Variants in AGBL4 observed in about 807,000 individuals in gnomAD.
AGBL4 encodes the protein cytosolic carboxypeptidase 6.
Under a neutral mutation model 66.4 loss-of-function variants are expected in AGBL4, and 58 were observed. The ratio of observed to expected loss-of-function variants is 0.87; its 90% confidence interval spans 0.71 to 1.09. The LOEUF (loss-of-function observed/expected upper bound fraction) is 1.09. Among genes scored for constraint, AGBL4 ranks in the 50% least tolerant of loss-of-function variants. The pLI, the probability that AGBL4 is intolerant of heterozygous loss-of-function variation, is 0.00. For missense variants in AGBL4, 579 were observed against 631.0 expected, an observed-to-expected ratio of 0.92 and a Z score of 0.88; for synonymous variants, 234 against 222.9, an observed-to-expected ratio of 1.05 and a Z score of -0.44.
Position 49,479,289 on chromosome 1 carries a change from A to AT in AGBL4, c.282+218023dup, listed in dbSNP as rs936255160. 3.1e-3 allele frequency among the ~76,000 whole-genome samples: 460 copies of AT among 147,462 alleles called. 1 individual carries two copies. Among genetic ancestry groups the AT allele is most frequent in the African/African-American group, 6.4e-3 (258 of 40,518 alleles). On this transcript the variant is annotated intron_variant, in intron 3 of 13. Transcript: ENST00000371839. ...ACTACAAATACAATGAAATATCTAGATTTTTTTTTTTTACTTTTATTTTAA... is the reference window on the plus strand; with the variant it reads ...ACTACAAATACAATGAAATATCTAGATTTTTTTTTTTTTACTTTTATTTTAA...
chr1:49,654,853 CTGA>C (rs1362176755), intron 3 of AGBL4, among the ~76,000 whole-genome samples: 1 of 152,142 alleles, frequency 6.6e-6, no homozygotes, highest in Non-Finnish European at 1.5e-5. Flanking sequence ...ATACAGAACA[CTGA>C]TGATCTTGAC....
Position 49,677,656 on chromosome 1 carries a change from C to T in AGBL4, c.282+19657G>A, listed in dbSNP as rs563944712. Among the ~76,000 whole-genome samples, 18 of 152,130 alleles carry T rather than the reference C, an allele frequency of 1.2e-4. 1 individual carries two copies. The highest frequency in any genetic ancestry group is 1.2e-3 in the East Asian group (6 of 5,186). Reference sequence around the variant, plus strand: ...CTCTATTTTCTGGAAAAGACAGTGCCATGAACTGAATTGTGACCCCCAAAA... The same window carrying T: ...CTCTATTTTCTGGAAAAGACAGTGCTATGAACTGAATTGTGACCCCCAAAA... On this transcript the variant is annotated intron_variant, in intron 3 of 13. Coordinates refer to ENST00000371839, the MANE Select transcript of AGBL4 (RefSeq NM_032785.4).
At chr1:49,841,052 G>A (rs1303781799) in intron 2 of AGBL4, among the ~76,000 whole-genome samples, 1 of 152,172 alleles carries the variant, frequency 6.6e-6, no homozygotes, top group Non-Finnish European at 1.5e-5. Context: ...AGGAACAGAA[G>A]AAATTAAACT....
chr1:49,846,490 A>G, intron 2 of AGBL4: 5 of 942,026 alleles, frequency 5.3e-6, no homozygotes, highest in Middle Eastern at 2.4e-4. Context: ...CATGAGAAAC[A>G]TATGTCTTTA....
At chr1:49,793,193 G>A (rs1289883594) in intron 2 of AGBL4, among the ~76,000 whole-genome samples, 1 of 151,908 alleles carries the variant, frequency 6.6e-6, no homozygotes, top group Non-Finnish European at 1.5e-5. Context: ...TCAGTTTTTG[G>A]TGATAGTTGT....
At chr1:49,094,054 C>T (rs1359441776) in intron 4 of AGBL4, among the ~76,000 whole-genome samples, 1 of 152,048 alleles carries the variant, frequency 6.6e-6, no homozygotes, top group Admixed American at 6.6e-5. Flanking sequence ...GTGAGATAGA[C>T]AGAAAACTAG....
intron 6 of AGBL4, among the ~76,000 whole-genome samples, chr1:48,857,972 C>T (rs1647219070): frequency 6.6e-6 from 1 of 151,740 alleles, no homozygotes; most frequent in African/African-American, 2.4e-5. Flanking sequence ...CTCTTAAATG[C>T]AATAAAAAGA....
chr1:48,756,992 C>T (rs980022114), intron 6 of AGBL4, among the ~76,000 whole-genome samples: 2 of 152,130 alleles, frequency 1.3e-5, no homozygotes, highest in Non-Finnish European at 2.9e-5. Context: ...TGCTTCAGGT[C>T]AAGTTTTTCT....
At chr1:49,800,231 T>C (rs1014073779) in intron 2 of AGBL4, among the ~76,000 whole-genome samples, 4 of 152,196 alleles carry the variant, frequency 2.6e-5, no homozygotes, top group African/African-American at 9.6e-5. Context: ...AGTGGTAATA[T>C]GTATGTGATT....
At chr1:49,735,566 G>A (rs567535717) in intron 2 of AGBL4, among the ~76,000 whole-genome samples, 1 of 151,954 alleles carries the variant, frequency 6.6e-6, no homozygotes, top group African/African-American at 2.4e-5. Context: ...TTGTTTTAAA[G>A]CACTATGTGA....
chr1:49,947,988 T>TTATATATATAAATATATA (rs1655439730), intron 1 of AGBL4, among the ~76,000 whole-genome samples: 1 of 59,450 alleles, frequency 1.7e-5, no homozygotes, highest in Admixed American at 2.6e-4. Flanking sequence ...AAATATATAT[T>TTATATATATAAATATATA]TATATATATA....
intron 2 of AGBL4, among the ~76,000 whole-genome samples, chr1:49,820,775 C>T (rs1645349291): frequency 2.0e-5 from 3 of 152,202 alleles, no homozygotes; most frequent in Non-Finnish European, 4.4e-5. Flanking sequence ...GCTGAATAAC[C>T]AAAAGTTAAC....
intron 4 of AGBL4, among the ~76,000 whole-genome samples, chr1:49,137,330 A>C (rs1646031321): frequency 6.6e-6 from 1 of 152,140 alleles, no homozygotes; most frequent in South Asian, 2.1e-4. Context: ...TGTATACGAA[A>C]ATAAAATGAT....
chr1:49,515,823 G>T (rs1367349129), intron 3 of AGBL4, among the ~76,000 whole-genome samples: 2 of 147,570 alleles, frequency 1.4e-5, no homozygotes, highest in Non-Finnish European at 1.5e-5. Context: ...TCACTCATAG[G>T]TGGGAATTGA....
chr1:48,804,299 G>T (rs765376706), intron 6 of AGBL4, among the ~76,000 whole-genome samples: 1 of 152,190 alleles, frequency 6.6e-6, no homozygotes, highest in Non-Finnish European at 1.5e-5. Context: ...TTACAGGGTT[G>T]TCTGTAGATA....
chr1:49,293,408 GT>G (rs1644581578), intron 3 of AGBL4, among the ~76,000 whole-genome samples: 1 of 152,170 alleles, frequency 6.6e-6, no homozygotes. Flanking sequence ...GGTGCCACTG[GT>G]CACAGAGGTT....
chr1:49,650,033 A>G (rs928366644), intron 3 of AGBL4, among the ~76,000 whole-genome samples: 3 of 152,210 alleles, frequency 2.0e-5, no homozygotes, highest in Admixed American at 6.5e-5. Context: ...TATATTGCTA[A>G]ATAAGAATAC....
At chr1:49,264,320 ATAACT>A (rs960539815) in intron 3 of AGBL4, among the ~76,000 whole-genome samples, 2 of 152,196 alleles carry the variant, frequency 1.3e-5, no homozygotes, top group Non-Finnish European at 2.9e-5. Context: ...AAAAATTTAA[ATAACT>A]TTAATTCATT....
At chr1:48,683,013 G>A (rs565559803) in intron 6 of AGBL4, among the ~76,000 whole-genome samples, 5 of 152,302 alleles carry the variant, frequency 3.3e-5, no homozygotes, top group Non-Finnish European at 5.9e-5. Flanking sequence ...CTTTAAAATT[G>A]AGAAGTATAG....
Sources: allele counts gnomAD v4.1 joint callset (sites outside exome capture counted in the v4.1 genomes callset), GRCh38; gene constraint gnomAD v4.1.1; transcripts MANE v1.5; gene names NCBI Gene and HGNC (gene_info 2026-07-23, HGNC 2026-07-21).